Variants in COMT observed in about 807,000 individuals in gnomAD.
COMT encodes catechol-O-methyltransferase.
Under a neutral mutation model 18.9 loss-of-function variants are expected in COMT, and 13 were observed. The ratio of observed to expected loss-of-function variants is 0.69; its 90% CI spans 0.45 to 1.09. COMT has a LOEUF of 1.09. Among genes scored for constraint, COMT ranks in the 50% least tolerant of loss-of-function variants. COMT has a pLI of 0.00. For synonymous variants in COMT, 150 were observed against 160.9 expected (o/e 0.93, Z 0.51); for missense variants, 329 against 361.8 (o/e 0.91, Z 0.73).
intron 5 of COMT, chr22:19,967,308 C>T: frequency 1.1e-6 from 1 of 950,484 alleles, no homozygotes; most frequent in Non-Finnish European, 1.5e-6. Flanking sequence ...GACTGGAAGG[C>T]AGCCGCCCTG....
In COMT at chr22:19,969,606, T is replaced by A. The variant is rs1942628638; in HGVS notation, c.*870T>A. 6.5e-6 allele frequency: 1 copy of A among 154,696 alleles called. No homozygotes were observed. The highest frequency in any genetic ancestry group is 6.6e-5 in the Admixed American group (1 of 15,266). 9.6% of individuals were successfully genotyped at this position (154,696 alleles called of 1,614,324 possible). On this transcript the variant is annotated 3_prime_UTR_variant, in exon 6 of 6. Transcript: ENST00000361682. The stretch of plus-strand genomic sequence containing the variant: ...CCAGGCCCAGGACAGGAATCAACCC[T>A]GTGCTAGCTGAGTTCACCTGCACCG...
intron 1 of COMT, among the ~76,000 whole-genome samples, chr22:19,954,527 A>G (rs1481871857): frequency 2.0e-5 from 3 of 152,070 alleles, no homozygotes; most frequent in Non-Finnish European, 2.9e-5. Flanking sequence ...ATCTCGGCTC[A>G]CTGCAACCTC....
chr22:19,964,349 TTCAG>T (rs766455949), intron 5 of COMT, 50 bp downstream of exon 5: 2 of 1,613,036 alleles, frequency 1.2e-6, no homozygotes, highest in Admixed American at 3.3e-5. Flanking sequence ...CCAGAGCCCA[TTCAG>T]TCAGCCTCAG....
chr22:19,942,378 C>T (rs1221974831), intron 1 of COMT, among the ~76,000 whole-genome samples: 1 of 152,002 alleles, frequency 6.6e-6, no homozygotes, highest in Non-Finnish European at 1.5e-5. Context: ...ACTCAGAGGG[C>T]CTTGGTGACT....
rs185596714 is a variant in COMT, at chr22:19,960,691, C to G, written c.-91-508C>G. On this transcript the variant is annotated intron_variant, in intron 1 of 5. Coordinates refer to ENST00000361682, the MANE Select transcript of COMT (RefSeq NM_000754.4). ...CCCCCACTGTCACTGAGCCCTGCACCGGGTTCCATCACCTGCTCGGGGCTC... is the reference window on the plus strand; with the variant it reads ...CCCCCACTGTCACTGAGCCCTGCACGGGGTTCCATCACCTGCTCGGGGCTC... Among the ~76,000 whole-genome samples the G allele has an allele frequency of 1.3e-3, 201 of 152,384 alleles. 1 individual carries two copies. The highest frequency in any genetic ancestry group is 2.0e-3 in the Non-Finnish European group (138 of 68,034).
chr22:19,947,375 C>T (rs1941856410), intron 1 of COMT, among the ~76,000 whole-genome samples: 1 of 151,984 alleles, frequency 6.6e-6, no homozygotes, highest in African/African-American at 2.4e-5. Context: ...GGCCCGGGGA[C>T]CACTACCACC....
intron 4 of COMT, 65 bp downstream of exon 4, chr22:19,963,824 G>A (rs761347230): frequency 1.5e-5 from 23 of 1,522,344 alleles, no homozygotes; most frequent in Admixed American, 5.6e-5. Context: ...GAGGGCATGC[G>A]CACTTTGTCC....
chr22:19,963,410 C>T, intron 3 of COMT, 156 bp from the exon 4 acceptor site: 1 of 837,566 alleles, frequency 1.2e-6, no homozygotes. Context: ...TGAAATACCC[C>T]TCCAGCGGGT....
intron 1 of COMT, among the ~76,000 whole-genome samples, chr22:19,948,205 G>A (rs763024197): frequency 3.0e-4 from 46 of 151,946 alleles, no homozygotes; most frequent in African/African-American, 8.9e-4. Flanking sequence ...TCGTGCCCTC[G>A]GTCTCTTGCC....
chr22:19,962,223 G>A (rs960670015), intron 2 of COMT: 6 of 477,094 alleles, frequency 1.3e-5, no homozygotes, highest in African/African-American at 9.7e-5. Flanking sequence ...TGTATTTTGT[G>A]TGGTTTTAGA....
intron 5 of COMT, among the ~76,000 whole-genome samples, chr22:19,966,152 G>A (rs1465573854): frequency 6.6e-6 from 1 of 152,224 alleles, no homozygotes; most frequent in African/African-American, 2.4e-5. Context: ...GTCATGAAGT[G>A]GGAAGTCATG....
Position 19,952,355 on chromosome 22 carries a change from G to T in COMT, c.-91-8844G>T, listed in dbSNP as rs1941956942. 1.3e-5 allele frequency among the ~76,000 whole-genome samples: 2 copies of T among 150,328 alleles called. 1 individual carries two copies. The highest frequency in any genetic ancestry group is 4.2e-4 in the South Asian group (2 of 4,754). On this transcript the variant is annotated intron_variant, in intron 1 of 5. Transcript: ENST00000361682. ...AGACCCTGTCTTTAAAAACAAAAAG[G>T]CCAGGCAGGTGCGGTGGCTCATGCC...
chr22:19,942,069 G>A (rs932514175), intron 1 of COMT, 172 bp downstream of exon 1: 5 of 382,214 alleles, frequency 1.3e-5, no homozygotes, highest in African/African-American at 8.5e-5. Flanking sequence ...GGGAACTGGG[G>A]AATTCGGACC....
intron 5 of COMT, 70 bp from the exon 6 acceptor site, chr22:19,968,465 CA>C: frequency 1.4e-6 from 2 of 1,467,158 alleles, no homozygotes; most frequent in Non-Finnish European, 1.9e-6. Flanking sequence ...GAGGAGCACC[CA>C]TCCTGGTTTG....
In COMT at chr22:19,953,000, AT is replaced by A. The variant is rs1166712179; in HGVS notation, c.-91-8198del. On this transcript the variant is annotated intron_variant, in intron 1 of 5. Transcript: ENST00000361682. ...AATAAATAAATAAATAAATAAATAA[AT>A]AAATAAAATGAAGCAGCAGCAGCTT... 5.0e-4 allele frequency among the ~76,000 whole-genome samples: 27 copies of A among 54,544 alleles called. No individual in the cohort carries two copies. The East Asian group carries it at 0.01, about 20-fold the overall frequency. 35.8% of individuals were successfully genotyped at this position (54,544 alleles called of 152,430 possible). A position where few individuals can be genotyped will look rare whatever the true frequency, so the allele number is the denominator to read the frequency against.
chr22:19,948,871 C>G (rs1941882080), intron 1 of COMT, among the ~76,000 whole-genome samples: 1 of 143,026 alleles, frequency 7.0e-6, no homozygotes, highest in African/African-American at 2.6e-5. Flanking sequence ...AGCAGAATTG[C>G]TTAAGCCTGG....
chr22:19,966,972 A>G (rs1942434366), intron 5 of COMT: 2 of 985,388 alleles, frequency 2.0e-6, no homozygotes, highest in Middle Eastern at 5.2e-4. Flanking sequence ...ACGCTGATGC[A>G]TGTTTAGCCA....
At position 19,967,845 on chromosome 22, in the gene COMT, G is replaced by A. The variant is rs530009419; in HGVS notation, c.616-691G>A. Among the ~76,000 whole-genome samples the A allele has an allele frequency of 8.7e-4, 132 of 152,346 alleles. 1 individual carries two copies. The highest frequency in any genetic ancestry group is 6.8e-3 in the Middle Eastern group (2 of 294). ...ATGTGATGTAAGCAAACCCTTTTCT[G>A]ATAGCATAGATAGGCAAGCATCCTA... On this transcript the variant is annotated intron_variant, in intron 5 of 5. Transcript: ENST00000361682.
chr22:19,955,119 T>G (rs1170842670), intron 1 of COMT, among the ~76,000 whole-genome samples: 4 of 152,206 alleles, frequency 2.6e-5, no homozygotes, highest in Admixed American at 2.0e-4. Context: ...ATCCTCCCAC[T>G]TCAGCCTCCT....
Sources: gnomAD v4.1 joint callset for allele counts (sites outside exome capture counted in the v4.1 genomes callset) on GRCh38, gnomAD v4.1.1 for gene constraint, MANE v1.5 for transcripts, NCBI Gene and HGNC (gene_info 2026-07-23, HGNC 2026-07-21) for gene names.